CDH12: variants seen among roughly 807,000 people sequenced by gnomAD.
CDH12 encodes the protein cadherin 12, also known as cadherin-12.
CDH12 carries 41 observed loss-of-function variants against 74.1 expected under a neutral mutation model. The observed-to-expected ratio is 0.55, with a 90% CI of 0.43 to 0.72. The LOEUF (loss-of-function observed/expected upper bound fraction) is 0.72, where lower values mean the gene tolerates loss of function less well. Among genes scored for constraint, CDH12 ranks in the 30% least tolerant of loss-of-function variants. The pLI is 0.00. For missense variants in CDH12, 945 were observed against 977.2 expected (o/e 0.97, Z 0.44); for synonymous variants, 399 against 355.0 (o/e 1.12, Z -1.39).
At chr5:22,673,386 G>A (rs929062946) in intron 1 of CDH12, among the ~76,000 whole-genome samples, 1 of 152,218 alleles carries the variant, frequency 6.6e-6, no homozygotes, top group South Asian at 2.1e-4. Context: ...GTTTGTAAAA[G>A]ATTGTGGTCT....
At chr5:22,583,923 A>G (rs1395234367) in intron 1 of CDH12, among the ~76,000 whole-genome samples, 1 of 152,076 alleles carries the variant, frequency 6.6e-6, no homozygotes, top group Non-Finnish European at 1.5e-5. Context: ...AAACAAATGT[A>G]TCTCTTCCCA....
At chr5:22,719,141 G>A (rs1382273185) in intron 1 of CDH12, among the ~76,000 whole-genome samples, 1 of 152,118 alleles carries the variant, frequency 6.6e-6, no homozygotes, top group Non-Finnish European at 1.5e-5. Context: ...GTCTTGTGGG[G>A]ATGGTTCCCT....
chr5:22,290,479 C>T (rs546579628), intron 3 of CDH12, among the ~76,000 whole-genome samples: 29 of 152,052 alleles, frequency 1.9e-4, no homozygotes, highest in African/African-American at 7.0e-4. Flanking sequence ...AAGAGATGTC[C>T]TGAAGTGAAA....
intron 6 of CDH12, among the ~76,000 whole-genome samples, chr5:21,966,591 A>G (rs1181705834): frequency 6.6e-6 from 1 of 152,140 alleles, no homozygotes; most frequent in African/African-American, 2.4e-5. Context: ...GTATTGATGA[A>G]TATTTGAACC....
chr5:21,956,428 AATT>A (rs1488771029), intron 6 of CDH12, among the ~76,000 whole-genome samples: 1 of 152,096 alleles, frequency 6.6e-6, no homozygotes, highest in Non-Finnish European at 1.5e-5. Context: ...CCAGTAATGT[AATT>A]ATTATTCCCT....
rs116677527 is a variant in CDH12, at chr5:22,845,033, C to T, written c.-523+8025G>A. ...CTTCTTCCCCCTTTTCAGTATGCTCCGGGTGTTTTATTTTAATTGTAGACA... is the reference window on the plus strand; with the variant it reads ...CTTCTTCCCCCTTTTCAGTATGCTCTGGGTGTTTTATTTTAATTGTAGACA... On this transcript the variant is annotated intron_variant, in intron 1 of 14. Transcript: ENST00000382254. 1.8e-4 allele frequency among the ~76,000 whole-genome samples: 28 copies of T among 151,916 alleles called. 1 individual carries two copies. Among genetic ancestry groups the T allele is most frequent in the Admixed American group, 1.3e-3 (20 of 15,250 alleles).
At chr5:21,826,238 T>C (rs1748662885) in intron 8 of CDH12, among the ~76,000 whole-genome samples, 1 of 152,172 alleles carries the variant, frequency 6.6e-6, no homozygotes, top group South Asian at 2.1e-4. Flanking sequence ...AAAACATTAC[T>C]TGGATATCTC....
chr5:21,889,177 G>A (rs1299763681), intron 6 of CDH12, among the ~76,000 whole-genome samples: 1 of 151,828 alleles, frequency 6.6e-6, no homozygotes, highest in Admixed American at 6.6e-5. Flanking sequence ...TTCAATAAGG[G>A]AATGAGAAAA....
chr5:22,104,289 G>C (rs142060443), intron 4 of CDH12, among the ~76,000 whole-genome samples: 126 of 152,234 alleles, frequency 8.3e-4, no homozygotes, highest in African/African-American at 2.9e-3. Flanking sequence ...GTAGGCATTT[G>C]AATTAGATTA....
chr5:22,677,331 A>G (rs1487409), intron 1 of CDH12, among the ~76,000 whole-genome samples: 103,105 of 151,888 alleles, frequency 0.68, 35,258 homozygotes, highest in Admixed American at 0.73. Context: ...CTGGGAAGTC[A>G]AAGATCAAGA....
intron 3 of CDH12, among the ~76,000 whole-genome samples, chr5:22,265,158 C>T (rs1005484245): frequency 6.6e-6 from 1 of 152,108 alleles, no homozygotes; most frequent in Non-Finnish European, 1.5e-5. Context: ...GGACAAAATG[C>T]TACGTTCAAA....
At chr5:22,032,567 T>C (rs1300108792) in intron 5 of CDH12, among the ~76,000 whole-genome samples, 1 of 151,598 alleles carries the variant, frequency 6.6e-6, no homozygotes, top group Non-Finnish European at 1.5e-5. Context: ...AAAAATTAGT[T>C]GGGCATGGTG....
At chr5:22,278,186 A>C (rs1291252680) in intron 3 of CDH12, 1 of 152,244 alleles carries the variant, frequency 6.6e-6, no homozygotes, top group Non-Finnish European at 1.5e-5. Flanking sequence ...AAATTATCAT[A>C]GAAATCAGTA....
chr5:22,746,758 T>A (rs1314834815), intron 1 of CDH12, among the ~76,000 whole-genome samples: 1 of 152,222 alleles, frequency 6.6e-6, no homozygotes, highest in East Asian at 1.9e-4. Context: ...ACATATTAAA[T>A]CAGCTTGCAA....
chr5:22,305,996 C>T (rs926106490), intron 3 of CDH12, among the ~76,000 whole-genome samples: 5 of 152,104 alleles, frequency 3.3e-5, no homozygotes, highest in African/African-American at 1.2e-4. Context: ...TTCATGCTGA[C>T]ATTGACCAAC....
At chr5:22,270,439 C>CA (rs557452537) in intron 3 of CDH12, among the ~76,000 whole-genome samples, 1,958 of 151,594 alleles carry the variant, frequency 0.013, 50 homozygotes, top group African/African-American at 0.044. Context: ...ACTAAAAATA[C>CA]AAAAAATTAG....
At chr5:22,247,050 A>G (rs11958405) in intron 3 of CDH12, among the ~76,000 whole-genome samples, 63,102 of 152,020 alleles carry the variant, frequency 0.42, 14,173 homozygotes, top group Admixed American at 0.53. Flanking sequence ...ATTGTGTTTT[A>G]AGATATGTTT....
intron 1 of CDH12, among the ~76,000 whole-genome samples, chr5:22,842,483 A>G (rs550080544): frequency 1.3e-5 from 2 of 152,242 alleles, no homozygotes; most frequent in South Asian, 4.1e-4. Context: ...AGAGTTACAG[A>G]GACAAAAAAA....
At chr5:22,201,348 C>G (rs1750914456) in intron 4 of CDH12, among the ~76,000 whole-genome samples, 1 of 152,036 alleles carries the variant, frequency 6.6e-6, no homozygotes, top group South Asian at 2.1e-4. Context: ...CACACATAAA[C>G]AAGAATTAAA....
Sources: gnomAD v4.1 joint callset for allele counts (sites outside exome capture counted in the v4.1 genomes callset) on GRCh38, gnomAD v4.1.1 for gene constraint, MANE v1.5 for transcripts, NCBI Gene and HGNC (gene_info 2026-07-23, HGNC 2026-07-21) for gene names.